The following PLCL2 variants were observed in gnomAD, a reference collection of about 807,000 sequenced individuals.
PLCL2 encodes inactive phospholipase C-like protein 2.
PLCL2 carries 4 observed loss-of-function variants against 79.6 expected under a neutral mutation model. That is an observed-to-expected ratio of 0.05 (90% CI 0.02 to 0.11). The LOEUF is 0.11. Among genes scored for constraint, PLCL2 ranks in the 10% least tolerant of loss-of-function variants. The pLI is 1.00. For missense variants in PLCL2, 895 were observed against 1,291.0 expected, an observed-to-expected ratio of 0.69 and a Z score of 4.70; for synonymous variants, 484 against 457.7, an observed-to-expected ratio of 1.06 and a Z score of -0.73.
intron 4 of PLCL2, among the ~76,000 whole-genome samples, chr3:17,045,135 T>C (rs1575602308): frequency 6.6e-6 from 1 of 152,216 alleles, no homozygotes; most frequent in Non-Finnish European, 1.5e-5. Context: ...ATATGAAGAA[T>C]TGCTAATTTG....
chr3:16,984,527 C>G (rs2064029520), intron 1 of PLCL2, among the ~76,000 whole-genome samples: 1 of 152,028 alleles, frequency 6.6e-6, no homozygotes, highest in Non-Finnish European at 1.5e-5. Flanking sequence ...GGTTTCTAAT[C>G]TCTGTAAATT....
In PLCL2 at chr3:17,010,144, C is replaced by T. The variant is rs774329315; in HGVS notation, c.798C>T (p.Asn266=). ...ATATGTTAGAAAGTAGCCAAGATAA[C>T]ATGAGGACTTCTTGGGTTTCACAAA... is the stretch of plus-strand genomic sequence containing the variant. ...TLDMLESSQD[N]MRTSWVSQMF... is the part of the protein sequence containing the mutation. The change falls in exon 2 of 6, where the codon AAC becomes AAT. Residue 266 remains asparagine, a synonymous_variant. Transcript: ENST00000615277. This position sits in a 1 kb window ranked among gnomAD's most constrained non-coding sequence, Gnocchi z 5.8. The T allele has an allele frequency of 7.4e-6, 12 of 1,613,830 alleles. No individual in the cohort carries two copies. The highest frequency in any genetic ancestry group is 2.2e-5 in the South Asian group (2 of 91,080).
At chr3:16,982,170 T>C (rs1395841851) in intron 1 of PLCL2, among the ~76,000 whole-genome samples, 1 of 152,226 alleles carries the variant, frequency 6.6e-6, no homozygotes, top group Non-Finnish European at 1.5e-5. Context: ...ACTTTGTAAA[T>C]ATCTGTCCAG....
chr3:17,040,027 A>G (rs904318891), intron 3 of PLCL2, among the ~76,000 whole-genome samples: 10 of 152,226 alleles, frequency 6.6e-5, no homozygotes, highest in Admixed American at 2.0e-4. Flanking sequence ...ATCACATCCA[A>G]TAGCTCACAG....
intron 5 of PLCL2, among the ~76,000 whole-genome samples, chr3:17,070,115 C>T (rs2065048463): frequency 6.6e-6 from 1 of 152,068 alleles, no homozygotes; most frequent in African/African-American, 2.4e-5. Context: ...TGTCAAGTAC[C>T]CTTCCTACTC....
At chr3:17,003,559 G>A (rs2064230918) in intron 1 of PLCL2, among the ~76,000 whole-genome samples, 1 of 152,044 alleles carries the variant, frequency 6.6e-6, no homozygotes, top group Non-Finnish European at 1.5e-5. Context: ...CTTCTGGTAG[G>A]GTCAGGGAGA....
chr3:17,066,405 ATG>A (rs2065011634), intron 4 of PLCL2, among the ~76,000 whole-genome samples: 2 of 152,328 alleles, frequency 1.3e-5, no homozygotes, highest in East Asian at 3.9e-4. Context: ...TGTTTATCAT[ATG>A]TGTGTCAGCT....
At chr3:16,951,280 T>C (rs1028748271) in intron 1 of PLCL2, among the ~76,000 whole-genome samples, 5 of 152,142 alleles carry the variant, frequency 3.3e-5, no homozygotes, top group African/African-American at 1.2e-4. Context: ...AGTGGTTTTC[T>C]TTTTGAGTTA....
At chr3:17,082,139 G>GGTT (rs2065168239) in intron 5 of PLCL2, among the ~76,000 whole-genome samples, 1 of 101,334 alleles carries the variant, frequency 9.9e-6, no homozygotes, top group African/African-American at 3.9e-5. Flanking sequence ...CTCTTTCAGA[G>GGTT]TTTTTTTTTT....
In PLCL2 at chr3:16,887,100, T is replaced by C. The variant is rs2124912488; in HGVS notation, c.327+1734T>C. 6.6e-6 allele frequency among the ~76,000 whole-genome samples: 1 copy of C among 152,332 alleles called. No homozygotes were observed. Among genetic ancestry groups the C allele is most frequent in the Middle Eastern group, 3.4e-3 (1 of 294 alleles). On this transcript the variant is annotated intron_variant, in intron 1 of 5. Coordinates refer to ENST00000615277, the MANE Select transcript of PLCL2 (RefSeq NM_001144382.2). This position sits in a 1 kb window ranked among gnomAD's most constrained non-coding sequence, Gnocchi z 4.1. ...TTGTTAGTATTTCTGATATATGGAA[T>C]TGGGAACTTGTCAATAGATACCATT...
chr3:17,069,278 C>G (rs185234170), intron 5 of PLCL2, among the ~76,000 whole-genome samples: 20 of 152,260 alleles, frequency 1.3e-4, no homozygotes, highest in Admixed American at 3.3e-4. Flanking sequence ...AAATGATTCT[C>G]TTTGGGAACT....
intron 1 of PLCL2, among the ~76,000 whole-genome samples, chr3:16,921,085 C>CCTAG (rs1233465188): frequency 1.3e-5 from 2 of 152,098 alleles, no homozygotes; most frequent in African/African-American, 4.8e-5. Context: ...TATTTGTGGG[C>CCTAG]CTAGCTCATA....
At chr3:17,025,110 G>C in intron 3 of PLCL2, among the ~76,000 whole-genome samples, 1 of 152,150 alleles carries the variant, frequency 6.6e-6, no homozygotes, top group East Asian at 1.9e-4. Context: ...GAAGCCTGTC[G>C]TGGTTGTTCA....
chr3:16,927,219 A>G (rs1365225573), intron 1 of PLCL2, among the ~76,000 whole-genome samples: 1 of 152,184 alleles, frequency 6.6e-6, no homozygotes, highest in African/African-American at 2.4e-5. Flanking sequence ...AAAACACCTG[A>G]TGCACAATAT....
Position 17,010,245 on chromosome 3 carries a change from A to G in PLCL2, c.899A>G (p.Asn300Ser), listed in dbSNP as rs771810734. ...CNAVQCIRNLNPGLKTSKIEL... is the reference protein window; with the variant it reads ...CNAVQCIRNLSPGLKTSKIEL... Reference sequence around the variant, plus strand: ...GCTGTGCAATGTATCAGAAACCTCAATCCTGGTTTAAAAACGAGCAAAATT... The same window carrying G: ...GCTGTGCAATGTATCAGAAACCTCAGTCCTGGTTTAAAAACGAGCAAAATT... Residue 300 changes from asparagine to serine, a missense_variant, in exon 2 of 6, where the codon AAT becomes AGT. Around this residue, in one of 6 missense-constraint regions of PLCL2, gnomAD observed 93 missense variants for 93.2 expected, o/e 1.00. Coordinates refer to ENST00000615277, the MANE Select transcript of PLCL2 (RefSeq NM_001144382.2). The surrounding 1 kb of genome is among the most constrained non-coding windows in gnomAD (Gnocchi z 5.8). 24 of 1,613,818 alleles carry G rather than the reference A, an allele frequency of 1.5e-5. No individual in the cohort carries two copies. The highest frequency in any genetic ancestry group is 8.9e-5 in the East Asian group (4 of 44,872).
At chr3:17,049,087 C>T (rs1256318521) in intron 4 of PLCL2, among the ~76,000 whole-genome samples, 1 of 148,926 alleles carries the variant, frequency 6.7e-6, no homozygotes, top group East Asian at 1.9e-4. Flanking sequence ...AAACCTTGCA[C>T]TTCTTGTGCA....
rs1553648265 is a variant in PLCL2 at position 17,047,381 on chromosome 3, A to AGCATCGTTCCTCTTCTG, written c.3094+4435_3094+4436insTCGTTCCTCTTCTGGCA. The stretch of plus-strand genomic sequence containing the variant: ...ATGCCTGCATGCCTGGGAGGATGAG[A>AGCATCGTTCCTCTTCTG]GCAGGAGAATCTGTTCTGTGCACTT... On this transcript the variant is annotated intron_variant, in intron 4 of 5. Coordinates refer to ENST00000615277, the MANE Select transcript of PLCL2 (RefSeq NM_001144382.2). Among the ~76,000 whole-genome samples the AGCATCGTTCCTCTTCTG allele has an allele frequency of 1.4e-4, 22 of 151,988 alleles. 1 individual carries two copies. Among genetic ancestry groups the AGCATCGTTCCTCTTCTG allele is most frequent in the Admixed American group, 4.6e-4 (7 of 15,266 alleles).
At chr3:16,918,378 T>C (rs1347332910) in intron 1 of PLCL2, among the ~76,000 whole-genome samples, 2 of 152,202 alleles carry the variant, frequency 1.3e-5, no homozygotes, top group African/African-American at 4.8e-5. Context: ...AAAATTCAAT[T>C]TGTGTCTCAG....
chr3:16,967,842 C>T (rs1034529370), intron 1 of PLCL2, among the ~76,000 whole-genome samples: 1 of 152,076 alleles, frequency 6.6e-6, no homozygotes, highest in Admixed American at 6.6e-5. Context: ...TTGCCAAGAC[C>T]TATGTCTCAA....
Sources: allele counts gnomAD v4.1 joint callset (sites outside exome capture counted in the v4.1 genomes callset), GRCh38; gene constraint gnomAD v4.1.1; regional missense constraint gnomAD v4.1.1; non-coding constraint Gnocchi (gnomAD v3.1); transcripts MANE v1.5; gene names NCBI Gene and HGNC (gene_info 2026-07-23, HGNC 2026-07-21).